Variants in FCHSD2 observed in about 807,000 individuals in gnomAD.
FCHSD2 encodes the protein F-BAR and double SH3 domains protein 2.
FCHSD2 carries 38 observed loss-of-function variants against 108.1 expected under a neutral mutation model. The ratio of observed to expected loss-of-function variants is 0.35; its 90% CI spans 0.27 to 0.46. The LOEUF is 0.46. FCHSD2 is among the 20% of genes least tolerant of loss of function. The pLI is 1.00. For missense variants in FCHSD2, 751 were observed against 897.8 expected, an observed-to-expected ratio of 0.84 and a Z score of 2.09; for synonymous variants, 279 against 314.7, an observed-to-expected ratio of 0.89 and a Z score of 1.20.
At chr11:73,121,998 T>A (rs1409556344) in intron 2 of FCHSD2, among the ~76,000 whole-genome samples, 1 of 152,114 alleles carries the variant, frequency 6.6e-6, no homozygotes, top group African/African-American at 2.4e-5. Flanking sequence ...CATTAAAAAA[T>A]TGAACACAAA....
At chr11:73,119,707 A>G (rs1467157821) in intron 2 of FCHSD2, among the ~76,000 whole-genome samples, 4 of 152,174 alleles carry the variant, frequency 2.6e-5, no homozygotes, top group Non-Finnish European at 5.9e-5. Context: ...TTGGCCTCCC[A>G]AAGTGCTGGG....
chr11:73,013,138 G>C (rs1421901907), intron 4 of FCHSD2, among the ~76,000 whole-genome samples: 1 of 152,142 alleles, frequency 6.6e-6, no homozygotes, highest in Non-Finnish European at 1.5e-5. Context: ...GATATGTAAA[G>C]TCCTTTTATG....
At chr11:73,105,495 T>C (rs892900197) in intron 2 of FCHSD2, among the ~76,000 whole-genome samples, 1 of 152,166 alleles carries the variant, frequency 6.6e-6, no homozygotes, top group Non-Finnish European at 1.5e-5. Flanking sequence ...GAAAAGGGAA[T>C]AGAGAAGAAA....
chr11:72,991,684 G>C (rs1444304859), intron 5 of FCHSD2, among the ~76,000 whole-genome samples: 2 of 152,164 alleles, frequency 1.3e-5, no homozygotes, highest in Non-Finnish European at 2.9e-5. Context: ...AATAGATGTA[G>C]AAAAGGCCTT....
At chr11:73,030,650 C>T (rs940330289) in intron 3 of FCHSD2, among the ~76,000 whole-genome samples, 3 of 152,022 alleles carry the variant, frequency 2.0e-5, no homozygotes, top group African/African-American at 7.3e-5. Context: ...AATCAATCCA[C>T]AAAACCAACA....
intron 2 of FCHSD2, among the ~76,000 whole-genome samples, chr11:73,118,713 T>A (rs758010691): frequency 6.6e-6 from 1 of 152,216 alleles, no homozygotes; most frequent in Non-Finnish European, 1.5e-5. Flanking sequence ...GATGATACTA[T>A]AATGATGATG....
At chr11:73,039,528 A>G (rs1289750855) in intron 3 of FCHSD2, among the ~76,000 whole-genome samples, 2 of 151,856 alleles carry the variant, frequency 1.3e-5, no homozygotes, top group Middle Eastern at 3.4e-3. Context: ...AAAAAAAAAA[A>G]GAAAGAAAGA....
intron 3 of FCHSD2, among the ~76,000 whole-genome samples, chr11:73,023,927 C>T (rs1858167582): frequency 6.6e-6 from 1 of 152,102 alleles, no homozygotes; most frequent in Admixed American, 6.5e-5. Context: ...TGTATTATTC[C>T]ATTCATATGA....
chr11:72,945,841 A>G (rs1477684534), intron 8 of FCHSD2, among the ~76,000 whole-genome samples: 2 of 152,228 alleles, frequency 1.3e-5, no homozygotes, highest in South Asian at 4.1e-4. Context: ...CAAAACCACA[A>G]TGAGATACCA....
At chr11:73,096,377 CAAAAAAAAAAAAA>C (rs767268719) in intron 2 of FCHSD2, among the ~76,000 whole-genome samples, 1 of 68,358 alleles carries the variant, frequency 1.5e-5, no homozygotes, top group South Asian at 4.8e-4. Flanking sequence ...CCTGCCTCTA[CAAAAAAAAAAAAA>C]AAAAAAAAAA....
At chr11:72,910,485 A>C (rs2135290873) in intron 9 of FCHSD2, among the ~76,000 whole-genome samples, 1 of 152,342 alleles carries the variant, frequency 6.6e-6, no homozygotes, top group South Asian at 2.1e-4. Context: ...AATAAGAAAA[A>C]TTCTTCTGCC....
At chr11:73,066,470 A>G (rs1029605262) in intron 3 of FCHSD2, among the ~76,000 whole-genome samples, 7 of 152,206 alleles carry the variant, frequency 4.6e-5, no homozygotes, top group Non-Finnish European at 5.9e-5. Flanking sequence ...ACCAAAAGCA[A>G]TGGCAACAAA....
At chr11:72,839,650 C>G (rs187003149) in intron 19 of FCHSD2, among the ~76,000 whole-genome samples, 87 of 152,074 alleles carry the variant, frequency 5.7e-4, no homozygotes, top group Admixed American at 1.2e-3. Flanking sequence ...GATGGGGGTT[C>G]CATTTACCAA....
intron 3 of FCHSD2, among the ~76,000 whole-genome samples, chr11:73,021,033 C>T (rs933757325): frequency 2.6e-5 from 4 of 151,982 alleles, no homozygotes; most frequent in African/African-American, 4.8e-5. Flanking sequence ...CATGCCACTG[C>T]GACCAGCTAA....
chr11:73,083,670 A>AT, intron 3 of FCHSD2, 25 bp downstream of exon 3: 2 of 1,489,638 alleles, frequency 1.3e-6, no homozygotes, highest in Non-Finnish European at 1.8e-6. Flanking sequence ...TATACCTAGA[A>AT]TGGGACCTCC....
intron 8 of FCHSD2, among the ~76,000 whole-genome samples, chr11:72,938,170 GA>G (rs1053011079): frequency 7.9e-6 from 1 of 126,512 alleles, no homozygotes; most frequent in African/African-American, 2.9e-5. Flanking sequence ...TCCAGATTAT[GA>G]AGGAGTTTTT....
intron 4 of FCHSD2, among the ~76,000 whole-genome samples, chr11:73,002,094 G>A (rs1006062809): frequency 1.3e-5 from 2 of 152,016 alleles, no homozygotes; most frequent in African/African-American, 4.8e-5. Context: ...AATCCATATC[G>A]ATTTTCAACC....
At chr11:72,938,176 GTTTTTTTTTT>G (rs67901943) in intron 8 of FCHSD2, among the ~76,000 whole-genome samples, 1 of 112,566 alleles carries the variant, frequency 8.9e-6, no homozygotes, top group Non-Finnish European at 1.8e-5. Context: ...TTATGAAGGA[GTTTTTTTTTT>G]TTTTTTTTTT....
chr11:72,846,245 A>G (rs1028479140), intron 14 of FCHSD2, among the ~76,000 whole-genome samples: 1 of 145,914 alleles, frequency 6.9e-6, no homozygotes, highest in African/African-American at 2.6e-5. Context: ...CAGTGGTGCC[A>G]TCTCGGCTCA....
Sources: allele counts gnomAD v4.1 joint callset (sites outside exome capture counted in the v4.1 genomes callset), GRCh38; gene constraint gnomAD v4.1.1; transcripts MANE v1.5; gene names NCBI Gene and HGNC (gene_info 2026-07-23, HGNC 2026-07-21).